The following DAB1 variants were observed in gnomAD, a reference collection of about 807,000 sequenced individuals.
The protein encoded by DAB1 is disabled homolog 1.
In DAB1, 15 loss-of-function variants were observed where a neutral mutation model predicts 64.6. That is an observed-to-expected ratio of 0.23 (90% CI 0.16 to 0.36). DAB1 has a LOEUF of 0.36. Ranked by LOEUF, DAB1 falls within the 10% of genes least tolerant of loss-of-function variation. The probability of loss-of-function intolerance (pLI) is 1.00; values close to 1 mark genes in which losing one functional copy is unlikely to be tolerated. For missense variants in DAB1, 596 were observed against 706.7 expected, an observed-to-expected ratio of 0.84 and a Z score of 1.78; for synonymous variants, 235 against 251.9, an observed-to-expected ratio of 0.93 and a Z score of 0.64.
chr1:57,434,304 GA>G (rs2101120109), intron 7 of DAB1, among the ~76,000 whole-genome samples: 1 of 152,188 alleles, frequency 6.6e-6, no homozygotes, highest in African/African-American at 2.4e-5. Flanking sequence ...TATTAAGCAA[GA>G]AATAAAATAC....
chr1:58,073,269 T>A (rs74851139), intron 5 of DAB1, among the ~76,000 whole-genome samples: 4,317 of 152,264 alleles, frequency 0.028, 187 homozygotes, highest in African/African-American at 0.098. Flanking sequence ...AATACTGTTC[T>A]TTCCTCTCTC....
At chr1:57,792,563 T>C (rs1416940195) in intron 6 of DAB1, among the ~76,000 whole-genome samples, 1 of 152,210 alleles carries the variant, frequency 6.6e-6, no homozygotes, top group Non-Finnish European at 1.5e-5. Context: ...TGGTCAATTT[T>C]ATCAGCTCAC....
intron 7 of DAB1, among the ~76,000 whole-genome samples, chr1:57,430,804 T>C (rs1685476183): frequency 6.6e-6 from 1 of 151,998 alleles, no homozygotes; most frequent in Non-Finnish European, 1.5e-5. Context: ...ATGCTTATAA[T>C]CAAATTCTAT....
intron 2 of DAB1, among the ~76,000 whole-genome samples, chr1:57,232,284 C>CTTTTTTTTTTTT (rs74940041): frequency 1.2e-5 from 1 of 81,734 alleles, no homozygotes; most frequent in Non-Finnish European, 2.2e-5. Flanking sequence ...GCAGTGGCCA[C>CTTTTTTTTTTTT]TTTTTTTTTT....
At chr1:58,231,273 CA>C (rs1225713968) in intron 4 of DAB1, among the ~76,000 whole-genome samples, 4 of 152,120 alleles carry the variant, frequency 2.6e-5, no homozygotes, top group African/African-American at 4.8e-5. Flanking sequence ...AGCTATACCC[CA>C]ACTCAGATAT....
At chr1:57,304,103 T>C (rs1673926099) in intron 1 of DAB1, among the ~76,000 whole-genome samples, 1 of 152,190 alleles carries the variant, frequency 6.6e-6, no homozygotes, top group African/African-American at 2.4e-5. Flanking sequence ...GAGGTTTATC[T>C]GGCTCATGGT....
chr1:57,027,147 T>A (rs921736995), intron 9 of DAB1, among the ~76,000 whole-genome samples: 3 of 152,184 alleles, frequency 2.0e-5, no homozygotes, highest in Non-Finnish European at 4.4e-5. Context: ...GAAGGGAATG[T>A]TCTTTCCTAC....
At chr1:58,312,508 T>A (rs1489695552) in intron 4 of DAB1, among the ~76,000 whole-genome samples, 1 of 152,308 alleles carries the variant, frequency 6.6e-6, no homozygotes, top group East Asian at 1.9e-4. Flanking sequence ...TCACTGGCTA[T>A]GAAATCTTGG....
intron 4 of DAB1, among the ~76,000 whole-genome samples, chr1:58,336,753 T>G (rs912417450): frequency 2.6e-5 from 4 of 152,224 alleles, no homozygotes; most frequent in Admixed American, 1.3e-4. Flanking sequence ...TGTTTGCTAA[T>G]AGCTAGGGAA....
At chr1:57,953,162 C>A (rs1256258887) in intron 5 of DAB1, among the ~76,000 whole-genome samples, 2 of 152,208 alleles carry the variant, frequency 1.3e-5, no homozygotes, top group African/African-American at 4.8e-5. Flanking sequence ...CAGCCATGGG[C>A]AAACAAGTTT....
At chr1:57,469,519 C>T (rs1687069099) in intron 7 of DAB1, among the ~76,000 whole-genome samples, 1 of 152,166 alleles carries the variant, frequency 6.6e-6, no homozygotes, top group Non-Finnish European at 1.5e-5. Context: ...CACCAACAGC[C>T]CCAGGTCCAC....
intron 6 of DAB1, among the ~76,000 whole-genome samples, chr1:57,764,595 C>G (rs1232239076): frequency 6.6e-6 from 1 of 152,176 alleles, no homozygotes; most frequent in Non-Finnish European, 1.5e-5. Context: ...TCCTACCCTT[C>G]CCAGCCTCTA....
chr1:57,961,704 C>CA (rs1206005146), intron 5 of DAB1, among the ~76,000 whole-genome samples: 1 of 152,148 alleles, frequency 6.6e-6, no homozygotes, highest in Non-Finnish European at 1.5e-5. Context: ...TGTGGTGGCT[C>CA]ACGCCTGTAA....
chr1:57,187,030 A>G (rs1310785637), intron 2 of DAB1, among the ~76,000 whole-genome samples: 1 of 152,184 alleles, frequency 6.6e-6, no homozygotes, highest in Non-Finnish European at 1.5e-5. Context: ...ATGGGATCTA[A>G]AAGATACCAG....
rs140380493 is a variant in DAB1 at position 57,511,566 on chromosome 1, C to A, written n.625+138026G>T. Among the ~76,000 whole-genome samples, 9 of 152,222 alleles carry A rather than the reference C, an allele frequency of 5.9e-5. No individual in the cohort carries two copies. The East Asian group carries it at 1.4e-3, about 23-fold the overall frequency. On this transcript the variant is annotated intron_variant and non_coding_transcript_variant, in intron 7 of 20. Transcript: ENST00000485760. ...GTAGACATAATTGCATAATTGCAAC[C>A]AATTTTCTTTGTTTATTAATTTCCC...
chr1:58,518,230 G>GGGGAGACGGGAGAC (rs1646191162), intron 2 of DAB1, among the ~76,000 whole-genome samples: 1 of 6,662 alleles, frequency 1.5e-4, no homozygotes, highest in Non-Finnish European at 2.7e-4. Context: ...AGAGGGGAGA[G>GGGGAGACGGGAGAC]GGGAGAGGGG....
chr1:57,123,448 AT>A (rs1390686600), intron 4 of DAB1, among the ~76,000 whole-genome samples: 17 of 152,154 alleles, frequency 1.1e-4, no homozygotes, highest in East Asian at 3.9e-4. Flanking sequence ...CAATAAGTTA[AT>A]TTTTTTTAAA....
intron 2 of DAB1, among the ~76,000 whole-genome samples, chr1:57,186,047 A>G (rs1456681165): frequency 3.3e-5 from 5 of 152,274 alleles, no homozygotes; most frequent in Non-Finnish European, 5.9e-5. Context: ...TCTTGCCTGT[A>G]TATCAATACC....
intron 2 of DAB1, among the ~76,000 whole-genome samples, chr1:57,258,219 C>T (rs544416332): frequency 5.9e-5 from 9 of 152,210 alleles, no homozygotes; most frequent in Admixed American, 2.6e-4. Flanking sequence ...GCAGTAGGGA[C>T]GCAAGCATTA....
Sources: allele counts gnomAD v4.1 joint callset (sites outside exome capture counted in the v4.1 genomes callset), GRCh38; gene constraint gnomAD v4.1.1; transcripts MANE v1.5; gene names NCBI Gene and HGNC (gene_info 2026-07-23, HGNC 2026-07-21).